DDX23: variants seen among roughly 807,000 people sequenced by gnomAD.
The protein encoded by DDX23 is probable ATP-dependent RNA helicase DDX23.
In DDX23, 33 loss-of-function variants were observed where a neutral mutation model predicts 102.7. The ratio of observed to expected loss-of-function variants is 0.32; its 90% CI spans 0.24 to 0.43. DDX23 has a LOEUF of 0.43. Ranked by LOEUF, DDX23 falls within the 20% of genes least tolerant of loss-of-function variation. The pLI is 1.00. For synonymous variants in DDX23, 352 were observed against 376.0 expected (o/e 0.94, Z 0.74); for missense variants, 549 against 1,086.6 (o/e 0.51, Z 6.96).
intron 3 of DDX23, among the ~76,000 whole-genome samples, chr12:48,842,448 T>C (rs1409719321): frequency 1.4e-5 from 1 of 69,718 alleles, no homozygotes; most frequent in African/African-American, 5.7e-5. Flanking sequence ...GGGAGGGAGG[T>C]AGGGGGGTCA....
chr12:48,837,682 G>A, intron 6 of DDX23, 25 bp from the exon 7 acceptor site: 1 of 1,613,606 alleles, frequency 6.2e-7, no homozygotes, highest in Non-Finnish European at 8.5e-7. Flanking sequence ...AAGCAAAGCT[G>A]CAGAAGAGCT....
At chr12:48,840,202 G>A (rs1304087479) in intron 3 of DDX23, 96 bp from the exon 4 acceptor site, 3 of 903,422 alleles carry the variant, frequency 3.3e-6, no homozygotes, top group Non-Finnish European at 5.6e-6. Context: ...GTTTCCCCAT[G>A]ACTCAACAAG....
At chr12:48,851,035 T>C (rs921335071) in intron 1 of DDX23, among the ~76,000 whole-genome samples, 1 of 152,202 alleles carries the variant, frequency 6.6e-6, no homozygotes, top group Non-Finnish European at 1.5e-5. Flanking sequence ...GATCTTCAGG[T>C]CCTCAGTTCT....
intron 1 of DDX23, among the ~76,000 whole-genome samples, chr12:48,846,139 ATTT>A (rs63743962): frequency 1.3e-5 from 2 of 151,598 alleles, no homozygotes; most frequent in Non-Finnish European, 2.9e-5. Flanking sequence ...TAGCTAATTT[ATTT>A]TTTTTATAGA....
intron 5 of DDX23, among the ~76,000 whole-genome samples, chr12:48,838,751 G>C (rs1938501806): frequency 6.6e-6 from 1 of 151,984 alleles, no homozygotes; most frequent in Non-Finnish European, 1.5e-5. Context: ...TACTCAGGAG[G>C]CTGAGGCAGG....
chr12:48,840,046 A>T lies in DDX23; in HGVS notation c.381T>A (p.Asp127Glu). The change falls in exon 4 of 17, where the codon GAT becomes GAA. Residue 127 changes from aspartate (D) to glutamate (E), a missense_variant. Transcript: ENST00000308025. ...KSRKDRDSKK[D>E]EEDEHGDKKP... Reference sequence around the variant, plus strand: ...TCTTATCACCATGTTCATCCTCTTCATCCTTCTTAGAGTCTCTGTCCTTCC... The same window carrying T: ...TCTTATCACCATGTTCATCCTCTTCTTCCTTCTTAGAGTCTCTGTCCTTCC... 6.2e-7 allele frequency: 1 copy of T among 1,614,150 alleles called. No individual in the cohort carries two copies. The highest frequency in any genetic ancestry group is 8.5e-7 in the Non-Finnish European group (1 of 1,180,010).
chr12:48,848,687 C>T (rs1017487183), intron 1 of DDX23, among the ~76,000 whole-genome samples: 10 of 152,018 alleles, frequency 6.6e-5, no homozygotes, highest in African/African-American at 1.9e-4. Context: ...CAGGCTCAAG[C>T]GATCCTCCTG....
In DDX23 at chr12:48,831,531, C is replaced by G. The variant is rs181269442; in HGVS notation, c.2065-215G>C. On this transcript the variant is annotated intron_variant, in intron 15 of 16. Transcript: ENST00000308025. ...AAAGGTGTGGTGTGGCAGGGACACACAGAGTAAGGTCAAAGGCAAAACAGC... is the reference window on the plus strand; with the variant it reads ...AAAGGTGTGGTGTGGCAGGGACACAGAGAGTAAGGTCAAAGGCAAAACAGC... Among the ~76,000 whole-genome samples the G allele has an allele frequency of 7.0e-4, 107 of 152,204 alleles. 1 individual carries two copies. The highest frequency in any genetic ancestry group is 2.5e-3 in the African/African-American group (105 of 41,522).
chr12:48,842,467 CCCGGCCAGCCACCCCGT>C (rs1202047278), intron 3 of DDX23, among the ~76,000 whole-genome samples: 1 of 141,258 alleles, frequency 7.1e-6, no homozygotes, highest in Non-Finnish European at 1.6e-5. Flanking sequence ...CAGCCCCCCG[CCCGGCCAGCCACCCCGT>C]CCGGGAGGAA....
Position 48,844,031 on chromosome 12 carries a change from G to A in DDX23, c.229C>T (p.Arg77Ter), listed in dbSNP as rs1307865497. 3.1e-6 allele frequency: 5 copies of A among 1,613,712 alleles called. No individual in the cohort carries two copies. The highest frequency in any genetic ancestry group is 2.7e-5 in the African/African-American group (2 of 74,788). Reference sequence around the variant, plus strand: ...CGATCCCGCTCCTTATCTCGTTCTCGTTCTTTGTGCCGTCGTTCTCTGGAA... The same window carrying A: ...CGATCCCGCTCCTTATCTCGTTCTCATTCTTTGTGCCGTCGTTCTCTGGAA... ...SAERERRHKE[R>*]ERDKERDRNK... Residue 77 changes from arginine (R) to a stop codon, truncating the protein, a stop_gained, in exon 3 of 17, where the codon CGA becomes TGA. Transcript: ENST00000308025. LOFTEE classifies it high-confidence loss of function.
intron 11 of DDX23, chr12:48,835,335 G>A (rs1454062825): frequency 6.5e-6 from 1 of 154,392 alleles, no homozygotes; most frequent in Non-Finnish European, 1.4e-5. Context: ...CACTTTGGGA[G>A]GCCAAGGCAG....
In DDX23 at chr12:48,830,812, T is replaced by C. The variant is rs1938375183; in HGVS notation, c.2240-120A>G. ...TCTCCAAAGGCAGGAATACAGCACA[T>C]GCTGCCTGAACCTGAGGCGCCCACA... On this transcript the variant is annotated intron_variant, in intron 16 of 16. Coordinates refer to ENST00000308025, the MANE Select transcript of DDX23 (RefSeq NM_004818.3). The surrounding 1 kb of genome is among the most constrained non-coding windows in gnomAD (Gnocchi z 4.9). The C allele has an allele frequency of 9.0e-7, 1 of 1,111,032 alleles. No homozygotes were observed. Among genetic ancestry groups the C allele is most frequent in the Non-Finnish European group, 1.3e-6 (1 of 787,410 alleles). The allele number at this position is 1,111,032 out of a possible 1,614,324, so 68.8% of individuals were successfully genotyped here.
At position 48,837,691 on chromosome 12, in the gene DDX23, C is replaced by T. The variant is rs367941111; in HGVS notation, c.620-34G>A. 59 of 1,611,620 alleles carry T rather than the reference C, an allele frequency of 3.7e-5. No individual in the cohort carries two copies. In the African/African-American group the frequency reaches 6.2e-4, roughly 17 times the overall value. On this transcript the variant is annotated intron_variant, in intron 6 of 16. Transcript: ENST00000308025. ...CAAAGAAAGCAAAGCTGCAGAAGAG[C>T]TCATGGAAGAAAAGAGGAGAGGGAA... is the stretch of plus-strand genomic sequence containing the variant.
At chr12:48,831,041 A>T in intron 16 of DDX23, 101 bp downstream of exon 16, 1 of 1,321,842 alleles carries the variant, frequency 7.6e-7, no homozygotes, top group South Asian at 1.3e-5. Context: ...GAACTGAGGG[A>T]GGCAGTAACA....
chr12:48,834,748 A>C (rs1938440861), intron 11 of DDX23: 4 of 345,764 alleles, frequency 1.2e-5, no homozygotes, highest in Non-Finnish European at 1.6e-5. Context: ...AGCCTGGCCA[A>C]CATGGTGAAA....
Position 48,843,996 on chromosome 12 carries a change from C to T in DDX23, c.264G>A (p.Lys88=). Residue 88 remains lysine, a synonymous_variant, in exon 3 of 17, where the codon AAG becomes AAA. Coordinates refer to ENST00000308025, the MANE Select transcript of DDX23 (RefSeq NM_004818.3). ...ERDKERDRNK[K]DRDRDKDGHR... is the part of the protein sequence containing the mutation. ...GCCCATCCTTGTCTCGATCTCGGTC[C>T]TTCTTATTCCGATCCCGCTCCTTAT... 4 of 1,614,054 alleles carry T rather than the reference C, an allele frequency of 2.5e-6. No homozygotes were observed. The South Asian group carries it at 4.4e-5, about 18-fold the overall frequency.
intron 5 of DDX23, 70 bp downstream of exon 5, chr12:48,839,774 G>A (rs1276640075): frequency 4.0e-6 from 6 of 1,507,678 alleles, no homozygotes; most frequent in Non-Finnish European, 5.5e-6. Flanking sequence ...TTCTGTCGTT[G>A]AAGTCACCCA....
chr12:48,851,563 C>G (rs1938760043), intron 1 of DDX23, among the ~76,000 whole-genome samples: 1 of 152,050 alleles, frequency 6.6e-6, no homozygotes, highest in Non-Finnish European at 1.5e-5. Flanking sequence ...TGTAGTAATA[C>G]AGGTGTTCAA....
intron 1 of DDX23, among the ~76,000 whole-genome samples, chr12:48,851,620 AG>A (rs1207681634): frequency 6.6e-6 from 1 of 152,244 alleles, no homozygotes; most frequent in African/African-American, 2.4e-5. Context: ...GGCTTGGAAG[AG>A]GAAGTGACGC....
Sources: allele counts gnomAD v4.1 joint callset (sites outside exome capture counted in the v4.1 genomes callset), GRCh38; gene constraint gnomAD v4.1.1; non-coding constraint Gnocchi (gnomAD v3.1); transcripts MANE v1.5; gene names NCBI Gene and HGNC (gene_info 2026-07-23, HGNC 2026-07-21).